The following PCDHGB1 variants were observed in gnomAD, a reference collection of about 807,000 sequenced individuals.
PCDHGB1 encodes the protein protocadherin gamma-B1.
Under a neutral mutation model 56.6 loss-of-function variants are expected in PCDHGB1, and 34 were observed. The ratio of observed to expected loss-of-function variants is 0.60; its 90% confidence interval spans 0.46 to 0.80. The LOEUF is 0.80. PCDHGB1 is among the 30% of genes least tolerant of loss of function. The pLI is 0.00. For synonymous variants in PCDHGB1, 561 were observed against 505.9 expected, an observed-to-expected ratio of 1.11 and a Z score of -1.46; for missense variants, 1,278 against 1,204.6, an observed-to-expected ratio of 1.06 and a Z score of -0.90.
At chr5:141,464,861 C>G (rs1178430383) in intron 1 of PCDHGB1, among the ~76,000 whole-genome samples, 1 of 152,134 alleles carries the variant, frequency 6.6e-6, no homozygotes, top group Non-Finnish European at 1.5e-5. Flanking sequence ...ACCTTAGCCT[C>G]CCAAGTAGCT....
chr5:141,391,264 G>T (rs1427432631), intron 1 of PCDHGB1: 1 of 151,768 alleles, frequency 6.6e-6, no homozygotes, highest in Non-Finnish European at 1.5e-5. Context: ...TCAGTTAATG[G>T]CCACTTTACA....
At chr5:141,374,079 C>A in intron 1 of PCDHGB1, 2 of 1,518,304 alleles carry the variant, frequency 1.3e-6, no homozygotes, top group Non-Finnish European at 1.8e-6. Flanking sequence ...CCTAATAAGC[C>A]AGTAATGGCG....
intron 1 of PCDHGB1, among the ~76,000 whole-genome samples, chr5:141,433,789 A>G (rs1388423731): frequency 6.7e-6 from 1 of 148,972 alleles, no homozygotes; most frequent in Non-Finnish European, 1.5e-5. Flanking sequence ...ATGAGCTGAG[A>G]TTGTGCCATT....
chr5:141,389,491 G>C, intron 1 of PCDHGB1: 1 of 1,612,994 alleles, frequency 6.2e-7, no homozygotes, highest in Non-Finnish European at 8.5e-7. Context: ...CGCGACCAGG[G>C]CTCGCCAGCG....
intron 1 of PCDHGB1, chr5:141,388,359 G>T: frequency 6.2e-7 from 1 of 1,614,026 alleles, no homozygotes; most frequent in South Asian, 1.1e-5. Flanking sequence ...ATCTGCCCAT[G>T]ATGCGGATAT....
chr5:141,357,873 C>A, intron 1 of PCDHGB1: 1 of 560,256 alleles, frequency 1.8e-6, no homozygotes, highest in South Asian at 2.2e-5. Context: ...TTTTACAACT[C>A]TGAGCCACCT....
Position 141,453,270 on chromosome 5 carries a change from T to C in PCDHGB1, c.2410-41537T>C, listed in dbSNP as rs1592250907. 4.6e-5 allele frequency among the ~76,000 whole-genome samples: 7 copies of C among 152,146 alleles called. No homozygotes were observed. In the South Asian group the frequency reaches 1.5e-3, roughly 32 times the overall value. On this transcript the variant is annotated intron_variant, in intron 1 of 3. Transcript: ENST00000523390. The stretch of plus-strand genomic sequence containing the variant: ...CTGGGGCTGCAAGTGCACACCACCA[T>C]GACTGGCTAATTTTTTAATTATTTA...
At chr5:141,385,142 C>T (rs1420566063) in intron 1 of PCDHGB1, 2 of 1,614,210 alleles carry the variant, frequency 1.2e-6, no homozygotes, top group Non-Finnish European at 1.7e-6. Flanking sequence ...GGGGTGCAGG[C>T]TTTCCTGCAG....
intron 1 of PCDHGB1, among the ~76,000 whole-genome samples, chr5:141,407,414 C>T (rs1190741475): frequency 6.6e-6 from 1 of 152,156 alleles, no homozygotes; most frequent in Non-Finnish European, 1.5e-5. Flanking sequence ...TTCGATACCA[C>T]AAAAATGTCT....
intron 1 of PCDHGB1, among the ~76,000 whole-genome samples, chr5:141,458,664 G>A (rs544369246): frequency 6.6e-6 from 1 of 152,196 alleles, no homozygotes; most frequent in African/African-American, 2.4e-5. Context: ...CCACCTCTCG[G>A]GTTCAAGCAA....
At chr5:141,482,675 A>G (rs1258898440) in intron 1 of PCDHGB1, among the ~76,000 whole-genome samples, 1 of 149,114 alleles carries the variant, frequency 6.7e-6, no homozygotes, top group African/African-American at 2.5e-5. Context: ...AAGGTTGAGT[A>G]GTAGCTTGTC....
Position 141,393,407 on chromosome 5 carries a change from C to T in PCDHGB1, c.2409+40738C>T, listed in dbSNP as rs766086453. ...TAAACCCAGAGCTGGTGCTGGAGCG[C>T]GCCCTGGACAGGGAGGAAGAGGCTG... On this transcript the variant is annotated intron_variant, in intron 1 of 3. Transcript: ENST00000523390. 3.1e-6 allele frequency: 5 copies of T among 1,614,056 alleles called. No individual in the cohort carries two copies. In the South Asian group the frequency reaches 5.5e-5, roughly 18 times the overall value.
intron 1 of PCDHGB1, chr5:141,421,280 G>A (rs564480755): frequency 1.2e-6 from 2 of 1,612,948 alleles, no homozygotes; most frequent in South Asian, 2.2e-5. Context: ...CTGCTGCTGT[G>A]CATTTTCCTG....
At chr5:141,505,044 C>G (rs1446394128) in intron 2 of PCDHGB1, among the ~76,000 whole-genome samples, 3 of 152,156 alleles carry the variant, frequency 2.0e-5, no homozygotes, top group African/African-American at 7.2e-5. Context: ...TGCCTGTCAT[C>G]CCAGCTACTT....
At chr5:141,393,715 T>C in intron 1 of PCDHGB1, 1 of 1,613,746 alleles carries the variant, frequency 6.2e-7, no homozygotes, top group South Asian at 1.1e-5. Flanking sequence ...ACTGGGGAAA[T>C]ATCAATAGCA....
chr5:141,433,305 C>A, intron 1 of PCDHGB1: 1 of 931,030 alleles, frequency 1.1e-6, no homozygotes, highest in Non-Finnish European at 1.6e-6. Context: ...GCAATTATCC[C>A]ACCTTTGCCT....
At chr5:141,441,554 G>T (rs3805698) in intron 1 of PCDHGB1, 21,236 of 192,824 alleles carry the variant, frequency 0.11, 1,386 homozygotes, top group African/African-American at 0.18. Flanking sequence ...TCCATAGTGT[G>T]CAAGTAGACA....
intron 1 of PCDHGB1, among the ~76,000 whole-genome samples, chr5:141,471,778 A>T (rs2099264151): frequency 6.6e-6 from 1 of 152,244 alleles, no homozygotes; most frequent in Non-Finnish European, 1.5e-5. Flanking sequence ...TGAGTTTGAC[A>T]TTATGCTATG....
intron 1 of PCDHGB1, chr5:141,403,850 G>T: frequency 6.2e-7 from 1 of 1,613,634 alleles, no homozygotes; most frequent in Non-Finnish European, 8.5e-7. Context: ...AAATACTGGG[G>T]AAATATCAAC....
Sources: gnomAD v4.1 joint callset for allele counts (sites outside exome capture counted in the v4.1 genomes callset) on GRCh38, gnomAD v4.1.1 for gene constraint, MANE v1.5 for transcripts, NCBI Gene and HGNC (gene_info 2026-07-23, HGNC 2026-07-21) for gene names.